DPP9: variants seen among roughly 807,000 people sequenced by gnomAD.
DPP9 encodes dipeptidyl peptidase 9, also known as dipeptidyl peptidase IV-related protein-2.
DPP9 carries 50 observed loss-of-function variants against 110.7 expected under a neutral mutation model. The observed-to-expected ratio is 0.45, with a 90% CI of 0.36 to 0.57. The LOEUF is 0.57. Among genes scored for constraint, DPP9 ranks in the 20% least tolerant of loss-of-function variants. The pLI is 0.00. For synonymous variants in DPP9, 561 were observed against 514.4 expected, an observed-to-expected ratio of 1.09 and a Z score of -1.23; for missense variants, 1,022 against 1,217.9, an observed-to-expected ratio of 0.84 and a Z score of 2.39.
intron 3 of DPP9, chr19:4,719,326 TTAAA>T (rs3059236): frequency 0.12 from 17,555 of 141,740 alleles, 1,399 homozygotes; most frequent in African/African-American, 0.23. Context: ...AGACTCCGTC[TTAAA>T]TAAATAAATA....
chr19:4,715,041 T>C (rs2093015895), intron 3 of DPP9, among the ~76,000 whole-genome samples: 1 of 101,390 alleles, frequency 9.9e-6, no homozygotes, highest in African/African-American at 5.0e-5. Context: ...TTTTTTTTTT[T>C]TTTTGGAGAC....
At chr19:4,720,083 T>G in intron 2 of DPP9, 142 bp from the exon 3 acceptor site, 1 of 688,216 alleles carries the variant, frequency 1.5e-6, no homozygotes, top group Non-Finnish European at 2.5e-6. Flanking sequence ...AAGGGCATTC[T>G]GAAGAGACGA....
At chr19:4,680,477 A>G (rs984010360) in intron 20 of DPP9, among the ~76,000 whole-genome samples, 6 of 151,858 alleles carry the variant, frequency 4.0e-5, no homozygotes, top group African/African-American at 1.5e-4. Flanking sequence ...GTACTTTGGG[A>G]GGCCAAGCTG....
At position 4,684,266 on chromosome 19, in the gene DPP9, G is replaced by A. The variant is rs374428070; in HGVS notation, c.2178+397C>T. On this transcript the variant is annotated intron_variant, in intron 18 of 21. Coordinates refer to ENST00000262960, the MANE Select transcript of DPP9 (RefSeq NM_139159.5). The surrounding 1 kb of genome is among the most constrained non-coding windows in gnomAD (Gnocchi z 4.8). ...GGGTTGCTGACCAGGCAACCTCGTG[G>A]GAACAGAGAGCAGCCCTCCCCGACA... The A allele has an allele frequency of 4.7e-5, 13 of 274,122 alleles. No individual in the cohort carries two copies. In the East Asian group the frequency reaches 7.6e-4, roughly 16 times the overall value. 17.0% of individuals were successfully genotyped at this position (274,122 alleles called of 1,614,324 possible). A position where few individuals can be genotyped will look rare whatever the true frequency, so the allele number is the denominator to read the frequency against.
intron 20 of DPP9, among the ~76,000 whole-genome samples, 198 bp from the exon 21 acceptor site, chr19:4,680,144 G>A (rs1175236176): frequency 6.6e-6 from 1 of 151,764 alleles, no homozygotes; most frequent in East Asian, 1.9e-4. Context: ...GGCTGAGGCA[G>A]GAGAACTGCT....
At position 4,684,570 on chromosome 19, in the gene DPP9, A is replaced by G; in HGVS notation, c.2178+93T>C. On this transcript the variant is annotated intron_variant, in intron 18 of 21. Transcript: ENST00000262960. This position sits in a 1 kb window ranked among gnomAD's most constrained non-coding sequence, Gnocchi z 4.8. ...CCAGAAGTGCCCTTCTGCGGGTGGT[A>G]TTCCAGAGCCGCTCCCATGCCCTGC... is the stretch of plus-strand genomic sequence containing the variant. The G allele has an allele frequency of 6.8e-7, 1 of 1,471,858 alleles. No homozygotes were observed. Among genetic ancestry groups the G allele is most frequent in the Admixed American group, 2.2e-5 (1 of 46,048 alleles). 91.2% of individuals were successfully genotyped at this position (1,471,858 alleles called of 1,614,324 possible).
chr19:4,702,739 T>G (rs200896225), intron 7 of DPP9, 23 bp from the exon 8 acceptor site: 6 of 1,493,980 alleles, frequency 4.0e-6, no homozygotes, highest in Non-Finnish European at 5.4e-6. Context: ...ACGGAGAGCA[T>G]CAACAAGGGG....
At chr19:4,699,304 C>T (rs2145670045) in intron 10 of DPP9, among the ~76,000 whole-genome samples, 1 of 152,018 alleles carries the variant, frequency 6.6e-6, no homozygotes, top group South Asian at 2.1e-4. Context: ...GGGAGGGTTT[C>T]TCTGGACGCC....
intron 21 of DPP9, 24 bp downstream of exon 21, chr19:4,679,811 C>G (rs1555710997): frequency 6.5e-7 from 1 of 1,542,384 alleles, no homozygotes; most frequent in Non-Finnish European, 8.8e-7. Context: ...CGCGGAGGGG[C>G]CGAAGCCCCC....
Position 4,700,278 on chromosome 19 carries a change from C to T in DPP9, c.1013-1G>A, listed in dbSNP as rs2092147994. 1 of 1,595,796 alleles carries T rather than the reference C, an allele frequency of 6.3e-7. No individual in the cohort carries two copies. Among genetic ancestry groups the T allele is most frequent in the Non-Finnish European group, 8.6e-7 (1 of 1,168,724 alleles). ...AAGGCAATCTTGGGATTCTTGCTGC[C>T]TGCAAAAACCGAAGTGAGGTGAACA... On this transcript the variant is annotated splice_acceptor_variant, in intron 9 of 21. Transcript: ENST00000262960. LOFTEE classifies it high-confidence loss of function. This position sits in a 1 kb window ranked among gnomAD's most constrained non-coding sequence, Gnocchi z 4.3.
rs1207639347 is a variant in DPP9 at position 4,704,935 on chromosome 19, T to C, written c.427-631A>G. 6.6e-6 allele frequency among the ~76,000 whole-genome samples: 1 copy of C among 151,866 alleles called. No individual in the cohort carries two copies. The highest frequency in any genetic ancestry group is 1.9e-4 in the East Asian group (1 of 5,184). ...AATCACTTGAACCGGGAGGCAGAGG[T>C]TGCAGTGAGCCGAGATTGCGCCACT... is the stretch of plus-strand genomic sequence containing the variant. On this transcript the variant is annotated intron_variant, in intron 5 of 21. Coordinates refer to ENST00000262960, the MANE Select transcript of DPP9 (RefSeq NM_139159.5). The surrounding 1 kb of genome is among the most constrained non-coding windows in gnomAD (Gnocchi z 6.0).
Position 4,693,492 on chromosome 19 carries a change from T to C in DPP9, c.1516+1169A>G, listed in dbSNP as rs1375948134. 6.6e-6 allele frequency among the ~76,000 whole-genome samples: 1 copy of C among 152,178 alleles called. No homozygotes were observed. Among genetic ancestry groups the C allele is most frequent in the East Asian group, 1.9e-4 (1 of 5,190 alleles). ...TTTCTCTCCTAGAACAGTCCCTCTC[T>C]GAGTCTGTCTTAGACTGGACCTGCG... On this transcript the variant is annotated intron_variant, in intron 13 of 21. Coordinates refer to ENST00000262960, the MANE Select transcript of DPP9 (RefSeq NM_139159.5). This position sits in a 1 kb window ranked among gnomAD's most constrained non-coding sequence, Gnocchi z 5.0.
intron 1 of DPP9, among the ~76,000 whole-genome samples, chr19:4,723,110 C>T (rs2093394800): frequency 4.6e-5 from 7 of 152,216 alleles, no homozygotes; most frequent in Admixed American, 3.9e-4. Context: ...GAAAAAGAGT[C>T]TCTGGATACC....
Position 4,694,579 on chromosome 19 carries a change from G to C in DPP9, c.1516+82C>G. On this transcript the variant is annotated intron_variant, in intron 13 of 21. Transcript: ENST00000262960. This position sits in a 1 kb window ranked among gnomAD's most constrained non-coding sequence, Gnocchi z 4.0. ...CGCAGGGTGTGCTGGCTGAGTGGGG[G>C]GGCCGACCAATGAACAAACAGCATA... The C allele has an allele frequency of 6.6e-7, 1 of 1,508,978 alleles. No homozygotes were observed. The highest frequency in any genetic ancestry group is 8.9e-7 in the Non-Finnish European group (1 of 1,118,074). The allele number at this position is 1,508,978 out of a possible 1,614,324, so 93.5% of individuals were successfully genotyped here.
chr19:4,702,000 A>T, intron 9 of DPP9, 27 bp downstream of exon 9: 1 of 1,607,228 alleles, frequency 6.2e-7, no homozygotes, highest in Non-Finnish European at 8.5e-7. Flanking sequence ...TCCCCGGCCC[A>T]GCCCCTCACA....
chr19:4,685,208 G>A lies in DPP9; in HGVS notation c.2032-399C>T, dbSNP rs1030510680. 24 of 519,698 alleles carry A rather than the reference G, an allele frequency of 4.6e-5. No individual in the cohort carries two copies. Among genetic ancestry groups the A allele is most frequent in the Admixed American group, 9.0e-5 (4 of 44,254 alleles). The allele number at this position is 519,698 out of a possible 1,614,324, so 32.2% of individuals were successfully genotyped here. ...CCACAAAGTACCCAGACATCGCCCC[G>A]TATCCTCTGTGGGGACAGAGCTGCT... is the stretch of plus-strand genomic sequence containing the variant. On this transcript the variant is annotated intron_variant, in intron 17 of 21. Transcript: ENST00000262960. This position sits in a 1 kb window ranked among gnomAD's most constrained non-coding sequence, Gnocchi z 5.8.
chr19:4,685,278 G>C lies in DPP9; in HGVS notation c.2031+348C>G. ...AAGATGGTCCAACTGCCAATCTGCT[G>C]CCTGCTTTTGACCCCTGCTCCAGGA... On this transcript the variant is annotated intron_variant, in intron 17 of 21. Transcript: ENST00000262960. The surrounding 1 kb of genome is among the most constrained non-coding windows in gnomAD (Gnocchi z 5.8). 1 of 540,864 alleles carries C rather than the reference G, an allele frequency of 1.8e-6. No individual in the cohort carries two copies. The highest frequency in any genetic ancestry group is 4.6e-5 in the East Asian group (1 of 21,560). The allele number at this position is 540,864 out of a possible 1,614,324, so 33.5% of individuals were successfully genotyped here.
At position 4,706,061 on chromosome 19, in the gene DPP9, C is replaced by T. The variant is rs955776449; in HGVS notation, c.314-91G>A. ...TGCAGCTGGGCCCAGCTGGTTCCCTCTGCTTCTAGAACATTCTGCCAGGCC... is the reference window on the plus strand; with the variant it reads ...TGCAGCTGGGCCCAGCTGGTTCCCTTTGCTTCTAGAACATTCTGCCAGGCC... On this transcript the variant is annotated intron_variant, in intron 4 of 21. Transcript: ENST00000262960. 7 of 1,159,026 alleles carry T rather than the reference C, an allele frequency of 6.0e-6. No homozygotes were observed. In the Admixed American group the frequency reaches 1.4e-4, roughly 22 times the overall value. The allele number at this position is 1,159,026 out of a possible 1,614,324, so 71.8% of individuals were successfully genotyped here.
At chr19:4,708,413 G>A (rs1002656394) in intron 4 of DPP9, among the ~76,000 whole-genome samples, 45 of 152,286 alleles carry the variant, frequency 3.0e-4, no homozygotes, top group African/African-American at 1.1e-3. Context: ...ATCTGGGGAC[G>A]GTTCAGGGCA....
Sources: gnomAD v4.1 joint callset for allele counts (sites outside exome capture counted in the v4.1 genomes callset) on GRCh38, gnomAD v4.1.1 for gene constraint, Gnocchi (gnomAD v3.1) non-coding constraint, MANE v1.5 for transcripts, NCBI Gene and HGNC (gene_info 2026-07-23, HGNC 2026-07-21) for gene names.